Variants in NAALADL2 observed in about 807,000 individuals in gnomAD.
NAALADL2 encodes N-acetylated alpha-linked acidic dipeptidase like 2, also known as inactive N-acetylated-alpha-linked acidic dipeptidase-like protein 2.
In NAALADL2, 76 loss-of-function variants were observed where a neutral mutation model predicts 87.2. The observed-to-expected ratio is 0.87, with a 90% confidence interval of 0.72 to 1.05. The LOEUF (loss-of-function observed/expected upper bound fraction) is 1.05, where lower values mean the gene tolerates loss of function less well. NAALADL2 is among the 50% of genes least tolerant of loss of function. NAALADL2 has a pLI of 0.00. For synonymous variants in NAALADL2, 354 were observed against 331.0 expected, an observed-to-expected ratio of 1.07 and a Z score of -0.75; for missense variants, 1,089 against 945.8, an observed-to-expected ratio of 1.15 and a Z score of -1.99.
At chr3:175,627,206 T>G (rs1320511168) in intron 10 of NAALADL2, 85 bp from the exon 11 acceptor site, 1 of 1,129,910 alleles carries the variant, frequency 8.9e-7, no homozygotes, top group Admixed American at 2.4e-5. Flanking sequence ...TAGAGTCCTT[T>G]TTAATCTTTA....
chr3:174,679,499 T>C (rs1336136298), intron 2 of NAALADL2, among the ~76,000 whole-genome samples: 1 of 152,182 alleles, frequency 6.6e-6, no homozygotes, highest in Non-Finnish European at 1.5e-5. Context: ...AAATTATGTA[T>C]GTGGGTTACA....
intron 11 of NAALADL2, among the ~76,000 whole-genome samples, chr3:175,719,154 GCC>G (rs1158546425): frequency 6.6e-6 from 1 of 151,948 alleles, no homozygotes; most frequent in East Asian, 2.0e-4. Flanking sequence ...GGGTGATTTT[GCC>G]CCCAGGGAAC....
chr3:175,152,732 C>T (rs1235670834), intron 2 of NAALADL2, among the ~76,000 whole-genome samples: 1 of 151,896 alleles, frequency 6.6e-6, no homozygotes, highest in Non-Finnish European at 1.5e-5. Flanking sequence ...ATGGTGAAAC[C>T]CTGTCTCTAT....
chr3:175,013,081 TAC>T (rs1560474739), intron 1 of NAALADL2, among the ~76,000 whole-genome samples: 2,205 of 82,548 alleles, frequency 0.027, 655 homozygotes, highest in African/African-American at 0.14. Context: ...AAATATGTAA[TAC>T]ATATTTATAT....
chr3:175,670,150 G>T (rs186838208), intron 11 of NAALADL2, among the ~76,000 whole-genome samples: 2 of 151,898 alleles, frequency 1.3e-5, no homozygotes. Flanking sequence ...AAACCTGAAA[G>T]GTAACTTGCC....
chr3:175,447,370 A>C lies in NAALADL2; in HGVS notation c.1232A>C (p.Asn411Thr). The change falls in exon 6 of 14, where the codon AAT becomes ACT. Residue 411 changes from asparagine (N) to threonine (T), a missense_variant and splice_region_variant. Transcript: ENST00000454872. ...EACSSLELPN[N>T]EIRVVSMQVQ... ...TGTAGCTCTCTAGAGCTTCCAAATA[A>C]TGGTAAAGTATTTAATGTCGTTCTC... The C allele has an allele frequency of 6.4e-7, 1 of 1,552,516 alleles. No homozygotes were observed.
chr3:174,942,980 C>T (rs1184070496), intron 1 of NAALADL2, among the ~76,000 whole-genome samples: 2 of 152,100 alleles, frequency 1.3e-5, no homozygotes, highest in Non-Finnish European at 2.9e-5. Context: ...TTTTGCTGTC[C>T]TCCTAAATCT....
Position 175,097,235 on chromosome 3 carries a change from G to A in NAALADL2, c.489G>A (p.Gln163=), listed in dbSNP as rs1373261792. The change falls in exon 2 of 14, where the codon CAG becomes CAA. Residue 163 remains glutamine (Q), a synonymous_variant. Transcript: ENST00000454872. ...CATCTTCAGGAACAGTTGATCCTCA[G>A]TTATATCAAGAGATTCTCAAGACAA... ...DAPSSGTVDP[Q]LYQEILKTIQ... The A allele has an allele frequency of 1.9e-6, 3 of 1,613,238 alleles. No homozygotes were observed. In the Admixed American group the frequency reaches 5.0e-5, roughly 27 times the overall value.
Position 175,696,333 on chromosome 3 carries a change from A to G in NAALADL2, c.1897-40973A>G, listed in dbSNP as rs901911843. Among the ~76,000 whole-genome samples, 16 of 152,274 alleles carry G rather than the reference A, an allele frequency of 1.1e-4. No homozygotes were observed. In the East Asian group the frequency reaches 1.7e-3, roughly 17 times the overall value. On this transcript the variant is annotated intron_variant, in intron 11 of 13. Coordinates refer to ENST00000454872, the MANE Select transcript of NAALADL2 (RefSeq NM_207015.3). The stretch of plus-strand genomic sequence containing the variant: ...ATGGCAAACTATAATATAGTGAGAA[A>G]TAAAGTAGTGTTATGAAAGAAATGT...
At chr3:174,501,202 C>T (rs897727285) in intron 1 of NAALADL2, among the ~76,000 whole-genome samples, 12 of 145,400 alleles carry the variant, frequency 8.3e-5, no homozygotes, top group Admixed American at 1.3e-4. Flanking sequence ...CCTCAGCCTC[C>T]CAAGTAGCTG....
chr3:174,642,618 C>T (rs1723330627), intron 2 of NAALADL2, among the ~76,000 whole-genome samples: 1 of 151,542 alleles, frequency 6.6e-6, no homozygotes, highest in South Asian at 2.1e-4. Flanking sequence ...CTTGTGTTTC[C>T]TCTTTCTCTT....
rs541046819 is a variant in NAALADL2, at chr3:174,645,680, A to G, written c.-114-91961A>G. Among the ~76,000 whole-genome samples the G allele has an allele frequency of 3.3e-5, 5 of 152,242 alleles. No individual in the cohort carries two copies. The South Asian group carries it at 1.0e-3, about 32-fold the overall frequency. The stretch of plus-strand genomic sequence containing the variant: ...GAGAAGATCTTGGGTCGATTTAAAC[A>G]TATTTTTCTAGCAAGGCTCTCATAA... On this transcript the variant is annotated intron_variant, in intron 2 of 3. Coordinates refer to the NAALADL2 transcript ENST00000434257.
chr3:175,343,661 T>TTTTTG lies in NAALADL2; in HGVS notation c.1090+19340_1090+19341insGTTTT, dbSNP rs1553867278. Among the ~76,000 whole-genome samples, 211 of 131,348 alleles carry TTTTTG rather than the reference T, an allele frequency of 1.6e-3. 12 individuals are homozygous for TTTTTG. Among genetic ancestry groups the TTTTTG allele is most frequent in the African/African-American group, 6.9e-3 (204 of 29,762 alleles). The allele number at this position is 131,348 out of a possible 152,430, so 86.2% of individuals were successfully genotyped here. A position where few individuals can be genotyped will look rare whatever the true frequency, so the allele number is the denominator to read the frequency against. ...TCCTGTGTGTCTTGATCATGTTTTT[T>TTTTTG]TTTTTTTTTTTTTTTCCCTTCCCAC... On this transcript the variant is annotated intron_variant, in intron 5 of 13. Coordinates refer to ENST00000454872, the MANE Select transcript of NAALADL2 (RefSeq NM_207015.3).
intron 3 of NAALADL2, among the ~76,000 whole-genome samples, chr3:174,747,563 A>C (rs1221554960): frequency 6.7e-6 from 1 of 148,724 alleles, no homozygotes; most frequent in Non-Finnish European, 1.5e-5. Flanking sequence ...TGGAGGTTGC[A>C]ATGAGCTGAG....
At chr3:175,354,533 A>G (rs1328598301) in intron 5 of NAALADL2, among the ~76,000 whole-genome samples, 1 of 152,158 alleles carries the variant, frequency 6.6e-6, no homozygotes, top group Non-Finnish European at 1.5e-5. Context: ...TTCAGGGATG[A>G]TTCTATCACA....
chr3:174,933,680 G>C (rs759706957), intron 1 of NAALADL2, among the ~76,000 whole-genome samples: 2 of 152,140 alleles, frequency 1.3e-5, no homozygotes, highest in Admixed American at 6.5e-5. Flanking sequence ...CCATTTTGCT[G>C]TATGAGCTAG....
rs539429185 is a variant in NAALADL2 at position 174,499,233 on chromosome 3, T to A, written c.-183-51336T>A. ...TTCTTTGATGAAATGTCTGTTTAAA[T>A]CTGTTATCAGATTTTCAATTGGGTT... On this transcript the variant is annotated intron_variant, in intron 1 of 3. Transcript: ENST00000434257. 9.9e-5 allele frequency among the ~76,000 whole-genome samples: 15 copies of A among 152,214 alleles called. 1 individual carries two copies. The South Asian group carries it at 2.9e-3, about 29-fold the overall frequency.
At chr3:175,799,569 A>G (rs919965458) in intron 13 of NAALADL2, among the ~76,000 whole-genome samples, 5 of 152,162 alleles carry the variant, frequency 3.3e-5, no homozygotes, top group African/African-American at 1.2e-4. Context: ...TAACTTTTGT[A>G]TAGGTTCTGT....
intron 1 of NAALADL2, among the ~76,000 whole-genome samples, chr3:174,993,890 G>A (rs1747073926): frequency 6.6e-6 from 1 of 152,124 alleles, no homozygotes; most frequent in African/African-American, 2.4e-5. Flanking sequence ...AGTGTTACCT[G>A]CAATCCGTGG....
Sources: gnomAD v4.1 joint callset for allele counts (sites outside exome capture counted in the v4.1 genomes callset) on GRCh38, gnomAD v4.1.1 for gene constraint, MANE v1.5 for transcripts, NCBI Gene and HGNC (gene_info 2026-07-23, HGNC 2026-07-21) for gene names.